FBN2: variants seen among roughly 807,000 people sequenced by gnomAD.
The protein encoded by FBN2 is fibrillin-2.
Under a neutral mutation model 355.6 loss-of-function variants are expected in FBN2, and 105 were observed. That is an observed-to-expected ratio of 0.30 (90% CI 0.25 to 0.35). The LOEUF (loss-of-function observed/expected upper bound fraction) is 0.35. Among genes scored for constraint, FBN2 ranks in the 10% least tolerant of loss-of-function variants. The pLI, the probability that FBN2 is intolerant of heterozygous loss-of-function variation, is 1.00. For synonymous variants in FBN2, 1,350 were observed against 1,301.2 expected (o/e 1.04, Z -0.81); for missense variants, 3,280 against 3,758.7 (o/e 0.87, Z 3.33).
chr5:128,304,870 G>T, intron 45 of FBN2, 87 bp downstream of exon 45: 1 of 1,501,866 alleles, frequency 6.7e-7, no homozygotes, highest in Non-Finnish European at 9.3e-7. Flanking sequence ...CAGAGACATA[G>T]TAGTTACTCA....
chr5:128,522,324 T>C (rs1756452826), intron 4 of FBN2, among the ~76,000 whole-genome samples: 1 of 152,136 alleles, frequency 6.6e-6, no homozygotes, highest in African/African-American at 2.4e-5. Flanking sequence ...ACGGCATTTT[T>C]TCAAGTACTT....
intron 6 of FBN2, among the ~76,000 whole-genome samples, chr5:128,448,066 G>T (rs551852799): frequency 6.6e-6 from 1 of 152,044 alleles, no homozygotes; most frequent in Admixed American, 6.5e-5. Flanking sequence ...TCTCCACTAC[G>T]TTTCTTTGTG....
intron 5 of FBN2, among the ~76,000 whole-genome samples, chr5:128,506,233 C>T (rs1755956460): frequency 6.6e-6 from 1 of 152,088 alleles, no homozygotes. Flanking sequence ...TTGATCAGTC[C>T]TATGCTGAAT....
In FBN2 at chr5:128,307,180, TTC is replaced by T; in HGVS notation, c.5375_5376del (p.Gly1792GlufsTer8). The T allele has an allele frequency of 6.2e-7, 1 of 1,610,088 alleles. No homozygotes were observed. Among genetic ancestry groups the T allele is most frequent in the East Asian group, 2.2e-5 (1 of 44,766 alleles). On this transcript the variant is annotated frameshift_variant, in exon 42 of 65. Transcript: ENST00000262464. LOFTEE classifies it high-confidence loss of function. ...PGTADFKTIC[G>X]NIPGFTFDIH... ...ATGTCAAAGGTGAATCCAGGAATAT[TTC>T]CACATATGGTTTTAAAGTCAGCTTT...
At chr5:128,447,181 T>C (rs1163021573) in intron 6 of FBN2, among the ~76,000 whole-genome samples, 3 of 152,178 alleles carry the variant, frequency 2.0e-5, no homozygotes, top group Admixed American at 6.5e-5. Flanking sequence ...ATATGAAATC[T>C]AGGCACCTTG....
At chr5:128,326,565 T>C (rs1307683048) in intron 34 of FBN2, among the ~76,000 whole-genome samples, 1 of 152,188 alleles carries the variant, frequency 6.6e-6, no homozygotes, top group East Asian at 1.9e-4. Flanking sequence ...GTGGAAAATA[T>C]TCATCGGAGG....
intron 34 of FBN2, chr5:128,327,953 T>A (rs1183107981): frequency 6.6e-6 from 1 of 152,398 alleles, no homozygotes; most frequent in Admixed American, 6.5e-5. Flanking sequence ...TGAGTTTTTT[T>A]AAAGGTTTTC....
At position 128,305,587 on chromosome 5, in the gene FBN2, G is replaced by C. The variant is rs140663455; in HGVS notation, c.5598C>G (p.Asp1866Glu). The C allele has an allele frequency of 1.7e-5, 27 of 1,613,700 alleles. No individual in the cohort carries two copies. In the African/African-American group the frequency reaches 3.5e-4, roughly 21 times the overall value. The change falls in exon 44 of 65, where the codon GAC becomes GAG. Residue 1866 changes from aspartate (D) to glutamate (E), a missense_variant. Asp to Glu is a conservative substitution (Grantham distance 45, BLOSUM62 2). Around this residue, in one of 6 missense-constraint regions of FBN2, gnomAD observed 2,284 missense variants for 2,749.5 expected, o/e 0.83. Coordinates refer to ENST00000262464, the MANE Select transcript of FBN2 (RefSeq NM_001999.4). ...NGDNLCQRNA[D>E]CINSPGSYRC... The stretch of plus-strand genomic sequence containing the variant: ...GGTAACTACCAGGACTATTGATGCA[G>C]TCTGCATTCCGCTGGCAGAGATTAT...
chr5:128,494,222 A>G (rs1160637122), intron 5 of FBN2, among the ~76,000 whole-genome samples: 1 of 152,210 alleles, frequency 6.6e-6, no homozygotes, highest in Non-Finnish European at 1.5e-5. Flanking sequence ...TTACCCAAAG[A>G]GAAAGGCAGG....
intron 6 of FBN2, 38 bp downstream of exon 6, chr5:128,464,686 G>A (rs1754658040): frequency 1.3e-6 from 2 of 1,595,018 alleles, no homozygotes; most frequent in Admixed American, 3.3e-5. Context: ...AGAAGTGGCA[G>A]GTCTGCGATG....
intron 5 of FBN2, among the ~76,000 whole-genome samples, chr5:128,481,258 G>A (rs1755177012): frequency 6.6e-6 from 1 of 152,106 alleles, no homozygotes; most frequent in Non-Finnish European, 1.5e-5. Context: ...CCAGTTCTGT[G>A]GTCTGTAAAA....
intron 48 of FBN2, among the ~76,000 whole-genome samples, chr5:128,296,119 G>A (rs1322716861): frequency 6.6e-6 from 1 of 152,130 alleles, no homozygotes; most frequent in East Asian, 1.9e-4. Context: ...TTTTGGTTCT[G>A]TTTATATGCT....
chr5:128,280,323 G>GA lies in FBN2; in HGVS notation c.7013-7dup. 1 of 1,604,510 alleles carries GA rather than the reference G, an allele frequency of 6.2e-7. No individual in the cohort carries two copies. Among genetic ancestry groups the GA allele is most frequent in the Non-Finnish European group, 8.5e-7 (1 of 1,172,174 alleles). Reference sequence around the variant, plus strand: ...GGTCCTGCATTCATTTTCATCTTTAGAAAAACAAACAATATGAATAATGAG... The same window carrying GA: ...GGTCCTGCATTCATTTTCATCTTTAGAAAAAACAAACAATATGAATAATGAG... On this transcript the variant is annotated splice_region_variant and splice_polypyrimidine_tract_variant and intron_variant, in intron 55 of 64. Coordinates refer to ENST00000262464, the MANE Select transcript of FBN2 (RefSeq NM_001999.4).
At chr5:128,285,371 A>C (rs1460267951) in intron 55 of FBN2, among the ~76,000 whole-genome samples, 1 of 152,204 alleles carries the variant, frequency 6.6e-6, no homozygotes, top group Admixed American at 6.5e-5. Flanking sequence ...AGTGTTCTAC[A>C]AAGAGTTTTG....
At position 128,338,874 on chromosome 5, in the gene FBN2, A is replaced by G. The variant is rs927428042; in HGVS notation, c.3472+59T>C. 9.5e-6 allele frequency: 15 copies of G among 1,587,000 alleles called. No individual in the cohort carries two copies. In the African/African-American group the frequency reaches 1.7e-4, roughly 19 times the overall value. ...CCAGAGATAAGCAAAGGTCATGCGC[A>G]CGAATGAGTCTGTGCTAGTATGGTT... On this transcript the variant is annotated intron_variant, in intron 26 of 64. Coordinates refer to ENST00000262464, the MANE Select transcript of FBN2 (RefSeq NM_001999.4).
At position 128,536,449 on chromosome 5, in the gene FBN2, CAGT is replaced by C. The variant is rs555068280; in HGVS notation, c.287_289del (p.Tyr96del). ...AGGGAGCGTCTTCCATCCAGGGCAGCAGTAGGAGTGGAATCTGGAGCCGCACAC... is the reference window on the plus strand; with the variant it reads ...AGGGAGCGTCTTCCATCCAGGGCAGCAGGAGTGGAATCTGGAGCCGCACAC... On this transcript the variant is annotated inframe_deletion, in exon 2 of 65. Coordinates refer to ENST00000262464, the MANE Select transcript of FBN2 (RefSeq NM_001999.4). 2.1e-4 allele frequency: 345 copies of C among 1,614,082 alleles called. No individual in the cohort carries two copies. The highest frequency in any genetic ancestry group is 7.8e-4 in the Admixed American group (47 of 60,014).
intron 7 of FBN2, among the ~76,000 whole-genome samples, chr5:128,426,843 C>T (rs183227156): frequency 6.6e-6 from 1 of 152,126 alleles, no homozygotes; most frequent in Non-Finnish European, 1.5e-5. Context: ...GATTATGGAG[C>T]TATAATCTCC....
intron 55 of FBN2, among the ~76,000 whole-genome samples, chr5:128,281,036 T>A (rs1255553831): frequency 6.6e-6 from 1 of 152,214 alleles, no homozygotes; most frequent in Non-Finnish European, 1.5e-5. Flanking sequence ...TTCATCTTTA[T>A]ACTTAAAATT....
At chr5:128,449,888 A>C (rs1754192329) in intron 6 of FBN2, among the ~76,000 whole-genome samples, 1 of 152,102 alleles carries the variant, frequency 6.6e-6, no homozygotes, top group African/African-American at 2.4e-5. Flanking sequence ...GGCTATGTTA[A>C]TACTATAAGT....
Sources: allele counts gnomAD v4.1 joint callset (sites outside exome capture counted in the v4.1 genomes callset), GRCh38; gene constraint gnomAD v4.1.1; regional missense constraint gnomAD v4.1.1; transcripts MANE v1.5; gene names NCBI Gene and HGNC (gene_info 2026-07-23, HGNC 2026-07-21).